Variants in CDH13 observed in about 807,000 individuals in gnomAD.
CDH13 encodes the protein cadherin 13, also known as cadherin-13.
A neutral mutation model predicts 63.8 loss-of-function variants in CDH13; 24 were observed. The ratio of observed to expected loss-of-function variants is 0.38; its 90% CI spans 0.27 to 0.53. The LOEUF (loss-of-function observed/expected upper bound fraction) is 0.53. CDH13 is among the 20% of genes least tolerant of loss of function. The pLI is 0.85. For missense variants in CDH13, 1,049 were observed against 903.1 expected (o/e 1.16, Z -2.07); for synonymous variants, 503 against 355.3 (o/e 1.42, Z -4.67).
chr16:82,700,513 G>A (rs541749944), intron 1 of CDH13, among the ~76,000 whole-genome samples: 1 of 87,148 alleles, frequency 1.1e-5, no homozygotes, highest in African/African-American at 4.6e-5. Context: ...AAGAATTAGG[G>A]CTAGTAAGTG....
At chr16:83,159,760 A>G (rs2037367070) in intron 4 of CDH13, among the ~76,000 whole-genome samples, 1 of 152,164 alleles carries the variant, frequency 6.6e-6, no homozygotes, top group Non-Finnish European at 1.5e-5. Context: ...TACCACATTG[A>G]GCTGGATCGG....
chr16:83,354,584 CAT>C (rs934180490), intron 6 of CDH13, among the ~76,000 whole-genome samples: 29 of 152,102 alleles, frequency 1.9e-4, no homozygotes, highest in African/African-American at 7.0e-4. Flanking sequence ...GTTTTATTGA[CAT>C]AAGGTCAAGA....
intron 6 of CDH13, among the ~76,000 whole-genome samples, chr16:83,385,107 C>A (rs114357463): frequency 6.6e-6 from 1 of 152,138 alleles, no homozygotes; most frequent in African/African-American, 2.4e-5. Context: ...CATTAGCATG[C>A]GGATGCTTAG....
chr16:82,854,415 A>AAC (rs2039610602), intron 1 of CDH13, among the ~76,000 whole-genome samples: 2 of 151,740 alleles, frequency 1.3e-5, no homozygotes, highest in South Asian at 2.1e-4. Flanking sequence ...AAAAAAAAAA[A>AAC]AACAGTAAAA....
chr16:83,266,936 A>G (rs72802292), intron 5 of CDH13, among the ~76,000 whole-genome samples: 19,154 of 151,968 alleles, frequency 0.13, 1,310 homozygotes, highest in Non-Finnish European at 0.14. Context: ...CCCTCAGCCT[A>G]TTTTCTTTTT....
At chr16:82,765,972 G>A (rs931584304) in intron 1 of CDH13, among the ~76,000 whole-genome samples, 4 of 152,262 alleles carry the variant, frequency 2.6e-5, no homozygotes, top group African/African-American at 7.2e-5. Flanking sequence ...CAGAATGCAC[G>A]TCTATGCTAC....
chr16:83,339,249 C>A (rs1405759888), intron 5 of CDH13, among the ~76,000 whole-genome samples: 1 of 152,050 alleles, frequency 6.6e-6, no homozygotes. Flanking sequence ...TTCCTTGATC[C>A]CTGAGAGAGG....
intron 10 of CDH13, among the ~76,000 whole-genome samples, chr16:83,702,016 T>A (rs1057305793): frequency 3.7e-4 from 57 of 152,218 alleles, no homozygotes; most frequent in Admixed American, 5.2e-4. Context: ...TTAAATAGGC[T>A]AATCTAGCAA....
At position 83,674,940 on chromosome 16, in the gene CDH13, A is replaced by G. The variant is rs562846950; in HGVS notation, c.1285-3268A>G. On this transcript the variant is annotated intron_variant, in intron 9 of 13. Transcript: ENST00000567109. ...TTCCCCAAACCTTTCACAGGCCTAA[A>G]CATAGCTATTCATTCAGTTCTGGAT... 9.0e-4 allele frequency among the ~76,000 whole-genome samples: 137 copies of G among 152,330 alleles called. 4 individuals are homozygous for G. Among genetic ancestry groups the G allele is most frequent in the East Asian group, 9.6e-4 (5 of 5,186 alleles).
chr16:83,496,712 G>T (rs1171685587), intron 7 of CDH13, among the ~76,000 whole-genome samples: 3 of 152,178 alleles, frequency 2.0e-5, no homozygotes, highest in Non-Finnish European at 2.9e-5. Flanking sequence ...ACTACCATCA[G>T]AGTGAACAGG....
chr16:82,948,632 T>C (rs184781373), intron 2 of CDH13, among the ~76,000 whole-genome samples: 137 of 152,210 alleles, frequency 9.0e-4, no homozygotes, highest in African/African-American at 3.0e-3. Context: ...AAGAACAGAG[T>C]TGTTCCAGGA....
At chr16:83,289,459 T>C (rs1284021084) in intron 5 of CDH13, among the ~76,000 whole-genome samples, 1 of 152,152 alleles carries the variant, frequency 6.6e-6, no homozygotes, top group East Asian at 1.9e-4. Context: ...ATATTGATAT[T>C]TTTTCAGCAC....
At chr16:83,608,985 G>T (rs1394143401) in intron 8 of CDH13, among the ~76,000 whole-genome samples, 1 of 152,064 alleles carries the variant, frequency 6.6e-6, no homozygotes, top group African/African-American at 2.4e-5. Flanking sequence ...TTCTAGCAGG[G>T]TTGATAGAAA....
intron 5 of CDH13, among the ~76,000 whole-genome samples, chr16:83,226,236 G>A (rs1430084878): frequency 1.3e-5 from 2 of 152,146 alleles, no homozygotes; most frequent in East Asian, 1.9e-4. Context: ...TGCAGCTGGC[G>A]AAACTGAGGC....
intron 7 of CDH13, among the ~76,000 whole-genome samples, chr16:83,511,577 G>T (rs2074567226): frequency 6.6e-6 from 1 of 152,036 alleles, no homozygotes; most frequent in Non-Finnish European, 1.5e-5. Flanking sequence ...ATCTCAGAGT[G>T]AACAAAATTG....
At chr16:83,280,627 G>A (rs915537742) in intron 5 of CDH13, among the ~76,000 whole-genome samples, 2 of 152,154 alleles carry the variant, frequency 1.3e-5, no homozygotes, top group Admixed American at 1.3e-4. Context: ...TTTCCCGAAG[G>A]TTTTCAGTTT....
intron 6 of CDH13, among the ~76,000 whole-genome samples, chr16:83,347,796 C>T (rs570989777): frequency 2.6e-4 from 39 of 152,330 alleles, no homozygotes; most frequent in African/African-American, 8.7e-4. Flanking sequence ...TAATTCTCTG[C>T]AAATTCTGGC....
chr16:83,366,653 C>A (rs114097374), intron 6 of CDH13, among the ~76,000 whole-genome samples: 167 of 152,272 alleles, frequency 1.1e-3, no homozygotes, highest in African/African-American at 3.9e-3. Context: ...AGATAGTCTC[C>A]TGACACCTAC....
chr16:82,973,452 T>C (rs1347688755), intron 2 of CDH13, among the ~76,000 whole-genome samples: 1 of 152,216 alleles, frequency 6.6e-6, no homozygotes, highest in Non-Finnish European at 1.5e-5. Context: ...TGTTCACTGT[T>C]CAATTTAACA....
Sources: allele counts gnomAD v4.1 joint callset (sites outside exome capture counted in the v4.1 genomes callset), GRCh38; gene constraint gnomAD v4.1.1; transcripts MANE v1.5; gene names NCBI Gene and HGNC (gene_info 2026-07-23, HGNC 2026-07-21).